Variants in TPTE observed in about 807,000 individuals in gnomAD.
TPTE encodes transmembrane phosphatase with tensin homology.
A neutral mutation model predicts 84.1 loss-of-function variants in TPTE; 59 were observed. The ratio of observed to expected loss-of-function variants is 0.70; its 90% CI spans 0.57 to 0.87. The LOEUF is 0.87. Ranked by LOEUF, TPTE falls within the 40% of genes least tolerant of loss-of-function variation. The probability of loss-of-function intolerance (pLI) is 0.00; values close to 1 mark genes in which losing one functional copy is unlikely to be tolerated. For synonymous variants in TPTE, 130 were observed against 223.5 expected, an observed-to-expected ratio of 0.58 and a Z score of 3.73; for missense variants, 382 against 659.6, an observed-to-expected ratio of 0.58 and a Z score of 4.61.
intron 10 of TPTE, among the ~76,000 whole-genome samples, chr21:10,562,585 TC>T (rs1273123740): frequency 6.6e-6 from 1 of 152,130 alleles, no homozygotes; most frequent in Non-Finnish European, 1.5e-5. Context: ...TTTAAAAGAA[TC>T]AAGCAGAAAT....
In TPTE at chr21:10,540,781, A is replaced by C. The variant is rs747729176; in HGVS notation, c.12-331A>C. On this transcript the variant is annotated intron_variant, in intron 4 of 23. Coordinates refer to ENST00000618007, the MANE Select transcript of TPTE (RefSeq NM_199261.4). ...GATTGGAGGTGATAGAGAATGAGGA[A>C]CTCAAATGGGATTATAAGAAGGGAG... 2.3e-5 allele frequency: 12 copies of C among 525,560 alleles called. No homozygotes were observed. In the Admixed American group the frequency reaches 2.3e-4, roughly 10 times the overall value. 32.6% of individuals were successfully genotyped at this position (525,560 alleles called of 1,614,324 possible).
chr21:10,528,220 A>G (rs469976), intron 3 of TPTE, among the ~76,000 whole-genome samples: 31,206 of 143,794 alleles, frequency 0.22, 68 homozygotes, highest in African/African-American at 0.47. Context: ...AATCGTGTAT[A>G]CATTTATGTT....
At chr21:10,541,478 GA>G (rs113841373) in intron 5 of TPTE, among the ~76,000 whole-genome samples, 2,009 of 146,752 alleles carry the variant, frequency 0.014, no homozygotes, top group African/African-American at 0.047. Flanking sequence ...TTGCAAAAAT[GA>G]AAAAAAAAAA....
In TPTE at chr21:10,605,478, C is replaced by G; in HGVS notation, c.1582C>G (p.Pro528Ala). The G allele has an allele frequency of 6.2e-7, 1 of 1,614,226 alleles. No individual in the cohort carries two copies. The highest frequency in any genetic ancestry group is 8.5e-7 in the Non-Finnish European group (1 of 1,180,014). Residue 528 changes from proline to alanine, a missense_variant, in exon 24 of 24, where the codon CCA becomes GCA. Physicochemically the swap from Pro to Ala is conservative, Grantham distance 27 (BLOSUM62 -1). This residue lies in a region of TPTE where 120 missense variants were observed against 79.1 expected (regional missense o/e 1.52). Coordinates refer to ENST00000618007, the MANE Select transcript of TPTE (RefSeq NM_199261.4). Reference protein sequence around the residue: ...LHKQKARRIYPSDFAVEILFG... With the variant: ...LHKQKARRIYASDFAVEILFG... ...TAAACAAAAAGCACGGAGAATTTATCCATCAGATTTTGCCGTGGAGATACT... is the reference window on the plus strand; with the variant it reads ...TAAACAAAAAGCACGGAGAATTTATGCATCAGATTTTGCCGTGGAGATACT...
intron 10 of TPTE, among the ~76,000 whole-genome samples, chr21:10,563,306 C>G (rs978277345): frequency 6.6e-6 from 1 of 152,302 alleles, no homozygotes; most frequent in Admixed American, 6.5e-5. Flanking sequence ...TAAGTAACAA[C>G]CTGAAGGTAT....
In TPTE at chr21:10,547,031, G is replaced by A. The variant is rs549066123; in HGVS notation, c.173+3649G>A. ...ATGCCATCTAGGACTTTTATATTTA[G>A]AGAGGAGAAGTCAACGCATGGTTTC... On this transcript the variant is annotated intron_variant, in intron 7 of 23. Transcript: ENST00000618007. 2.2e-4 allele frequency among the ~76,000 whole-genome samples: 33 copies of A among 152,416 alleles called. No homozygotes were observed. In the South Asian group the frequency reaches 5.6e-3, roughly 26 times the overall value.
Position 10,595,996 on chromosome 21 carries a change from A to G in TPTE, c.1185A>G (p.Ala395=), listed in dbSNP as rs373045672. The stretch of plus-strand genomic sequence containing the variant: ...TTGCTTTTCAGAAGAGATATGTTGC[A>G]TATTTTGCACAAGTGAAACATCTCT... ...VKTPSQKRYV[A]YFAQVKHLYN... is the part of the protein sequence containing the mutation. The change falls in exon 20 of 24, where the codon GCA becomes GCG. Residue 395 remains alanine, a synonymous_variant. Transcript: ENST00000618007. 97 of 1,613,736 alleles carry G rather than the reference A, an allele frequency of 6.0e-5. No individual in the cohort carries two copies. The highest frequency in any genetic ancestry group is 8.0e-5 in the Non-Finnish European group (94 of 1,179,562).
chr21:10,544,359 A>G (rs543593466), intron 7 of TPTE, among the ~76,000 whole-genome samples: 177 of 152,350 alleles, frequency 1.2e-3, no homozygotes, highest in South Asian at 6.4e-3. Context: ...AGGACGTTGG[A>G]GGCATGGGCG....
At chr21:10,545,681 G>A (rs1004622861) in intron 7 of TPTE, among the ~76,000 whole-genome samples, 17 of 152,226 alleles carry the variant, frequency 1.1e-4, no homozygotes, top group East Asian at 3.9e-4. Flanking sequence ...GTGTGTGTGT[G>A]TATATATACA....
At chr21:10,575,738 C>G (rs1467584658) in intron 14 of TPTE, among the ~76,000 whole-genome samples, 1 of 152,302 alleles carries the variant, frequency 6.6e-6, no homozygotes, top group Non-Finnish European at 1.5e-5. Flanking sequence ...CTTAAATTTA[C>G]AAGAAAAACA....
At chr21:10,586,790 T>C (rs1229421025) in intron 17 of TPTE, among the ~76,000 whole-genome samples, 1 of 152,304 alleles carries the variant, frequency 6.6e-6, no homozygotes, top group Non-Finnish European at 1.5e-5. Flanking sequence ...CTAAAATCTC[T>C]CATTAGATTA....
chr21:10,523,571 A>T (rs548913946), intron 1 of TPTE, among the ~76,000 whole-genome samples: 789 of 152,014 alleles, frequency 5.2e-3, no homozygotes, highest in African/African-American at 0.018. Flanking sequence ...TGTTCTTGCG[A>T]TAGTTTACTG....
chr21:10,550,395 T>G (rs1301182323), intron 7 of TPTE, among the ~76,000 whole-genome samples: 1 of 152,308 alleles, frequency 6.6e-6, no homozygotes, highest in Non-Finnish European at 1.5e-5. Flanking sequence ...AAAAATATAT[T>G]CTATGCAAAT....
At chr21:10,567,107 TAAAA>T (rs574386155) in intron 10 of TPTE, among the ~76,000 whole-genome samples, 1 of 124,344 alleles carries the variant, frequency 8.0e-6, no homozygotes. Flanking sequence ...TATGGGGCTC[TAAAA>T]AAAAAAAAAA....
chr21:10,562,748 A>C, intron 10 of TPTE, among the ~76,000 whole-genome samples: 1 of 152,308 alleles, frequency 6.6e-6, no homozygotes, highest in Non-Finnish European at 1.5e-5. Context: ...AAAAACAACG[A>C]CGCCTGCCTA....
intron 7 of TPTE, among the ~76,000 whole-genome samples, chr21:10,546,327 G>C (rs1300761706): frequency 6.6e-6 from 1 of 152,308 alleles, no homozygotes; most frequent in African/African-American, 2.4e-5. Context: ...TGTTGTGACT[G>C]CTCCACTGAC....
intron 7 of TPTE, among the ~76,000 whole-genome samples, chr21:10,544,690 C>T (rs11184137): frequency 0.014 from 2,152 of 151,456 alleles, no homozygotes; most frequent in Non-Finnish European, 0.02. Context: ...TATGGAGGCC[C>T]TGCATTGGGT....
At chr21:10,585,714 C>T (rs1450311038) in intron 17 of TPTE, among the ~76,000 whole-genome samples, 2 of 152,422 alleles carry the variant, frequency 1.3e-5, no homozygotes, top group African/African-American at 2.4e-5. Flanking sequence ...AGTGAACGCA[C>T]ATTGGCCTAG....
At chr21:10,569,597 C>G in intron 12 of TPTE, 61 bp downstream of exon 12, 1 of 1,613,700 alleles carries the variant, frequency 6.2e-7, no homozygotes, top group Non-Finnish European at 8.5e-7. Context: ...GACCCATTGA[C>G]AAGGGTTGAT....
Sources: allele counts gnomAD v4.1 joint callset (sites outside exome capture counted in the v4.1 genomes callset), GRCh38; gene constraint gnomAD v4.1.1; regional missense constraint gnomAD v4.1.1; transcripts MANE v1.5; gene names NCBI Gene and HGNC (gene_info 2026-07-23, HGNC 2026-07-21).